The following ARL8A variants were observed in gnomAD, a reference collection of about 807,000 sequenced individuals.
The protein encoded by ARL8A is ADP-ribosylation factor-like protein 8A.
A neutral mutation model predicts 31.2 loss-of-function variants in ARL8A; 10 were observed. The observed-to-expected ratio is 0.32, with a 90% confidence interval of 0.20 to 0.54. The LOEUF is 0.54. ARL8A is among the 20% of genes least tolerant of loss of function. The probability of loss-of-function intolerance (pLI) is 0.93; values close to 1 mark genes in which losing one functional copy is unlikely to be tolerated. For synonymous variants in ARL8A, 70 were observed against 86.9 expected (o/e 0.81, Z 1.08); for missense variants, 129 against 242.8 (o/e 0.53, Z 3.12).
chr1:202,144,320 C>A lies in ARL8A; in HGVS notation c.123+130G>T. ...CCCCAAGCGCTCGGGGCCGGCTCCT[C>A]CCCCGCCCGGCGCCCGGCCGTGCCC... On this transcript the variant is annotated intron_variant, in intron 1 of 6. Coordinates refer to ENST00000272217, the MANE Select transcript of ARL8A (RefSeq NM_138795.4). The surrounding 1 kb of genome is among the most constrained non-coding windows in gnomAD (Gnocchi z 5.2). 1 of 624,398 alleles carries A rather than the reference C, an allele frequency of 1.6e-6. No homozygotes were observed. Among genetic ancestry groups the A allele is most frequent in the Non-Finnish European group, 2.0e-6 (1 of 499,248 alleles). The allele number at this position is 624,398 out of a possible 1,614,324, so 38.7% of individuals were successfully genotyped here. A position where few individuals can be genotyped will look rare whatever the true frequency, so the allele number is the denominator to read the frequency against.
Position 202,135,224 on chromosome 1 carries a change from G to T in ARL8A, c.441-4C>A, listed in dbSNP as rs41310917. ...GTCCTGGATGGCAGACAGATTCCTG[G>T]GGGAAACCAGAGTAGAGTCCGCTGA... On this transcript the variant is annotated splice_polypyrimidine_tract_variant and splice_region_variant and intron_variant, in intron 5 of 6. Transcript: ENST00000272217. This position sits in a 1 kb window ranked among gnomAD's most constrained non-coding sequence, Gnocchi z 5.3. 2.1e-3 allele frequency: 3,469 copies of T among 1,613,826 alleles called. 5 individuals are homozygous for T. The highest frequency in any genetic ancestry group is 3.8e-3 in the Middle Eastern group (23 of 6,062).
chr1:202,143,398 T>C (rs1391405141), intron 1 of ARL8A, among the ~76,000 whole-genome samples: 3 of 152,210 alleles, frequency 2.0e-5, no homozygotes, highest in Non-Finnish European at 4.4e-5. Context: ...TCTGCTGACC[T>C]ATCTCATCAG....
intron 3 of ARL8A, among the ~76,000 whole-genome samples, chr1:202,136,572 T>A (rs999623165): frequency 1.3e-5 from 2 of 151,360 alleles, no homozygotes; most frequent in African/African-American, 4.9e-5. Context: ...AGCCACCGCA[T>A]CCAGCCTATT....
chr1:202,140,754 G>T (rs1308593670), intron 1 of ARL8A, among the ~76,000 whole-genome samples: 1 of 152,204 alleles, frequency 6.6e-6, no homozygotes, highest in African/African-American at 2.4e-5. Context: ...TAAGCAGGGA[G>T]AATTAAGTGT....
chr1:202,135,383 G>A lies in ARL8A; in HGVS notation c.440+76C>T, dbSNP rs920229013. ...CACCGTGTGGCTAATACTAAGAACA[G>A]CAGCAAGCCTAGGCTGTTGGTCTGG... On this transcript the variant is annotated intron_variant, in intron 5 of 6. Transcript: ENST00000272217. This position sits in a 1 kb window ranked among gnomAD's most constrained non-coding sequence, Gnocchi z 5.3. The A allele has an allele frequency of 5.1e-6, 8 of 1,555,474 alleles. No homozygotes were observed. The highest frequency in any genetic ancestry group is 4.1e-5 in the African/African-American group (3 of 73,580).
chr1:202,135,864 G>A lies in ARL8A; in HGVS notation c.279-64C>T. 7.0e-7 allele frequency: 1 copy of A among 1,429,432 alleles called. No homozygotes were observed. Among genetic ancestry groups the A allele is most frequent in the South Asian group, 1.2e-5 (1 of 86,610 alleles). The allele number at this position is 1,429,432 out of a possible 1,614,324, so 88.5% of individuals were successfully genotyped here. On this transcript the variant is annotated intron_variant, in intron 3 of 6. Coordinates refer to ENST00000272217, the MANE Select transcript of ARL8A (RefSeq NM_138795.4). The surrounding 1 kb of genome is among the most constrained non-coding windows in gnomAD (Gnocchi z 5.3). ...CCACAGGCTGAGGTGGTGCAAGGAAGAGAAGGAGCTGCTGCTTGGAGGTGA... is the reference window on the plus strand; with the variant it reads ...CCACAGGCTGAGGTGGTGCAAGGAAAAGAAGGAGCTGCTGCTTGGAGGTGA...
rs1342605455 is a variant in ARL8A at position 202,133,867 on chromosome 1, G to A, written c.*600C>T. 1 of 152,276 alleles carries A rather than the reference G, an allele frequency of 6.6e-6. No individual in the cohort carries two copies. The highest frequency in any genetic ancestry group is 1.5e-5 in the Non-Finnish European group (1 of 68,098). 9.4% of individuals were successfully genotyped at this position (152,276 alleles called of 1,614,324 possible). A position where few individuals can be genotyped will look rare whatever the true frequency, so the allele number is the denominator to read the frequency against. The stretch of plus-strand genomic sequence containing the variant: ...GCCTGTGGCATTCAAGCACTGCCAG[G>A]ACAAGCCAGATTGGGCGGTGGAAAC... On this transcript the variant is annotated 3_prime_UTR_variant, in exon 7 of 7. Coordinates refer to ENST00000272217, the MANE Select transcript of ARL8A (RefSeq NM_138795.4).
chr1:202,135,295 T>C lies in ARL8A; in HGVS notation c.441-75A>G. 1 of 1,499,218 alleles carries C rather than the reference T, an allele frequency of 6.7e-7. No individual in the cohort carries two copies. Among genetic ancestry groups the C allele is most frequent in the Non-Finnish European group, 9.3e-7 (1 of 1,077,272 alleles). The allele number at this position is 1,499,218 out of a possible 1,614,324, so 92.9% of individuals were successfully genotyped here. On this transcript the variant is annotated intron_variant, in intron 5 of 6. Transcript: ENST00000272217. The surrounding 1 kb of genome is among the most constrained non-coding windows in gnomAD (Gnocchi z 5.3). Reference sequence around the variant, plus strand: ...CCTGGGGCTAGGGGACAGCGGGGCCTTTTTCTTACCTAAGAGGCTACAAAG... The same window carrying C: ...CCTGGGGCTAGGGGACAGCGGGGCCCTTTTCTTACCTAAGAGGCTACAAAG...
At chr1:202,143,339 G>T (rs1655211879) in intron 1 of ARL8A, among the ~76,000 whole-genome samples, 1 of 152,178 alleles carries the variant, frequency 6.6e-6, no homozygotes, top group Admixed American at 6.5e-5. Context: ...TGCAAGGTGG[G>T]GCAACAACAC....
Position 202,138,308 on chromosome 1 carries a change from C to T in ARL8A, c.204+60G>A. The T allele has an allele frequency of 1.3e-6, 2 of 1,515,878 alleles. No homozygotes were observed. Among genetic ancestry groups the T allele is most frequent in the Non-Finnish European group, 9.1e-7 (1 of 1,093,706 alleles). 93.9% of individuals were successfully genotyped at this position (1,515,878 alleles called of 1,614,324 possible). ...TTGCCCTCCCCAACACACACACACACACACACACACACACACACAAAAACA... is the reference window on the plus strand; with the variant it reads ...TTGCCCTCCCCAACACACACACACATACACACACACACACACACAAAAACA... On this transcript the variant is annotated intron_variant, in intron 2 of 6. Transcript: ENST00000272217. This position sits in a 1 kb window ranked among gnomAD's most constrained non-coding sequence, Gnocchi z 4.4.
chr1:202,142,666 T>C (rs2147814317), intron 1 of ARL8A, among the ~76,000 whole-genome samples: 1 of 152,290 alleles, frequency 6.6e-6, no homozygotes, highest in African/African-American at 2.4e-5. Flanking sequence ...TTCCTGTATA[T>C]CACAGGAACT....
chr1:202,135,646 C>A lies in ARL8A; in HGVS notation c.372+61G>T. On this transcript the variant is annotated intron_variant, in intron 4 of 6. Transcript: ENST00000272217. This position sits in a 1 kb window ranked among gnomAD's most constrained non-coding sequence, Gnocchi z 5.3. The stretch of plus-strand genomic sequence containing the variant: ...CGCCCCTACCATGCCTGGCTTTTAC[C>A]TGCTCCCAGTGACTTCCCAGCCGAG... The A allele has an allele frequency of 6.3e-7, 1 of 1,585,970 alleles. No individual in the cohort carries two copies. Among genetic ancestry groups the A allele is most frequent in the Middle Eastern group, 1.8e-4 (1 of 5,698 alleles).
At chr1:202,136,412 T>C (rs1044316966) in intron 3 of ARL8A, among the ~76,000 whole-genome samples, 1 of 152,120 alleles carries the variant, frequency 6.6e-6, no homozygotes, top group African/African-American at 2.4e-5. Flanking sequence ...CCCAAGTAAC[T>C]GGGACTACAG....
In ARL8A at chr1:202,138,304, CACACACA is replaced by C; in HGVS notation, c.204+57_204+63del. On this transcript the variant is annotated intron_variant, in intron 2 of 6. Coordinates refer to ENST00000272217, the MANE Select transcript of ARL8A (RefSeq NM_138795.4). The surrounding 1 kb of genome is among the most constrained non-coding windows in gnomAD (Gnocchi z 4.4). The stretch of plus-strand genomic sequence containing the variant: ...TCCGTTGCCCTCCCCAACACACACA[CACACACA>C]CACACACACACACACAAAAACAGTC... 7.9e-7 allele frequency: 1 copy of C among 1,270,992 alleles called. No individual in the cohort carries two copies. Among genetic ancestry groups the C allele is most frequent in the Non-Finnish European group, 1.1e-6 (1 of 916,772 alleles). 78.7% of individuals were successfully genotyped at this position (1,270,992 alleles called of 1,614,324 possible).
At chr1:202,139,935 A>C (rs1206022617) in intron 1 of ARL8A, among the ~76,000 whole-genome samples, 1 of 152,030 alleles carries the variant, frequency 6.6e-6, no homozygotes, top group Non-Finnish European at 1.5e-5. Flanking sequence ...GGGGTGAGCC[A>C]CGGTGCCCGG....
chr1:202,139,632 CTTTTTTTTTTTTTTTTT>C lies in ARL8A; in HGVS notation c.124-1201_124-1185del, dbSNP rs71141457. 8.9e-4 allele frequency among the ~76,000 whole-genome samples: 45 copies of C among 50,574 alleles called. 1 individual carries two copies. Among genetic ancestry groups the C allele is most frequent in the African/African-American group, 3.2e-3 (41 of 12,896 alleles). 33.2% of individuals were successfully genotyped at this position (50,574 alleles called of 152,430 possible). A position where few individuals can be genotyped will look rare whatever the true frequency, so the allele number is the denominator to read the frequency against. Reference sequence around the variant, plus strand: ...GAACCTGAGGGTGATAGCCCTGTTCCTTTTTTTTTTTTTTTTTTTTTTTTTTTTTCTGAGACAGAGTC... The same window carrying C: ...GAACCTGAGGGTGATAGCCCTGTTCCTTTTTTTTTTTTCTGAGACAGAGTC... On this transcript the variant is annotated intron_variant, in intron 1 of 6. Coordinates refer to ENST00000272217, the MANE Select transcript of ARL8A (RefSeq NM_138795.4).
In ARL8A at chr1:202,138,176, C is replaced by T. The variant is rs1655064915; in HGVS notation, c.205-138G>A. The T allele has an allele frequency of 1.7e-6, 2 of 1,172,648 alleles. No homozygotes were observed. Among genetic ancestry groups the T allele is most frequent in the South Asian group, 2.7e-5 (2 of 74,800 alleles). 72.6% of individuals were successfully genotyped at this position (1,172,648 alleles called of 1,614,324 possible). A position where few individuals can be genotyped will look rare whatever the true frequency, so the allele number is the denominator to read the frequency against. ...CCTCTCCAGTTCTCCCCCGTCTCCA[C>T]CCGCTCTCCGTCTACCTTAGAAGTC... On this transcript the variant is annotated intron_variant, in intron 2 of 6. Transcript: ENST00000272217. The surrounding 1 kb of genome is among the most constrained non-coding windows in gnomAD (Gnocchi z 4.4).
Position 202,135,407 on chromosome 1 carries a change from G to C in ARL8A, c.440+52C>G. The C allele has an allele frequency of 6.3e-7, 1 of 1,590,672 alleles. No individual in the cohort carries two copies. Among genetic ancestry groups the C allele is most frequent in the Non-Finnish European group, 8.6e-7 (1 of 1,158,644 alleles). On this transcript the variant is annotated intron_variant, in intron 5 of 6. Coordinates refer to ENST00000272217, the MANE Select transcript of ARL8A (RefSeq NM_138795.4). The surrounding 1 kb of genome is among the most constrained non-coding windows in gnomAD (Gnocchi z 5.3). ...AGCAGCAAGCCTAGGCTGTTGGTCT[G>C]GTGGTTGGGGAATTGGGAGAGCAGA...
In ARL8A at chr1:202,134,594, C is replaced by T. The variant is rs900988137; in HGVS notation, c.512-78G>A. The T allele has an allele frequency of 1.5e-6, 2 of 1,357,512 alleles. No homozygotes were observed. The highest frequency in any genetic ancestry group is 2.1e-6 in the Non-Finnish European group (2 of 946,970). The allele number at this position is 1,357,512 out of a possible 1,614,324, so 84.1% of individuals were successfully genotyped here. ...GGGGCAGCAGAGAGGCCCAAGAAAC[C>T]AAACCTAAGGGTATCAGAAGTCCAG... On this transcript the variant is annotated intron_variant, in intron 6 of 6. Coordinates refer to ENST00000272217, the MANE Select transcript of ARL8A (RefSeq NM_138795.4). The surrounding 1 kb of genome is among the most constrained non-coding windows in gnomAD (Gnocchi z 4.2).
Sources: allele counts gnomAD v4.1 joint callset (sites outside exome capture counted in the v4.1 genomes callset), GRCh38; gene constraint gnomAD v4.1.1; non-coding constraint Gnocchi (gnomAD v3.1); transcripts MANE v1.5; gene names NCBI Gene and HGNC (gene_info 2026-07-23, HGNC 2026-07-21).